Variants in EPHB1 observed in about 807,000 individuals in gnomAD.
EPHB1 encodes EPH receptor B1, also known as ephrin type-B receptor 1.
EPHB1 carries 30 observed loss-of-function variants against 94.4 expected under a neutral mutation model. That is an observed-to-expected ratio of 0.32 (90% CI 0.24 to 0.43). EPHB1 has a LOEUF of 0.43. Ranked by LOEUF, EPHB1 falls within the 20% of genes least tolerant of loss-of-function variation. The probability of loss-of-function intolerance (pLI) is 1.00; values close to 1 mark genes in which losing one functional copy is unlikely to be tolerated. For missense variants in EPHB1, 1,055 were observed against 1,308.3 expected, an observed-to-expected ratio of 0.81 and a Z score of 2.99; for synonymous variants, 522 against 489.1, an observed-to-expected ratio of 1.07 and a Z score of -0.89.
chr3:134,815,365 G>A (rs915628798), intron 1 of EPHB1, among the ~76,000 whole-genome samples: 10 of 152,014 alleles, frequency 6.6e-5, no homozygotes, highest in Non-Finnish European at 1.2e-4. Context: ...AAAATAAACA[G>A]ATGAATGTGT....
intron 12 of EPHB1, 76 bp from the exon 13 acceptor site, chr3:135,241,072 C>A (rs544389844): frequency 5.1e-6 from 8 of 1,561,648 alleles, no homozygotes; most frequent in Non-Finnish European, 7.0e-6. Context: ...GAAGAATGTG[C>A]ATGCCAAGTT....
At chr3:134,994,273 G>T (rs543980714) in intron 3 of EPHB1, among the ~76,000 whole-genome samples, 1 of 152,188 alleles carries the variant, frequency 6.6e-6, no homozygotes, top group African/African-American at 2.4e-5. Flanking sequence ...TAAATAATAT[G>T]ATAAATATAT....
chr3:135,179,802 G>A, intron 9 of EPHB1, 58 bp from the exon 10 acceptor site: 1 of 1,604,280 alleles, frequency 6.2e-7, no homozygotes. Flanking sequence ...CATCAGCAGT[G>A]CTGAATGACA....
chr3:134,798,202 G>A (rs1486716689), intron 1 of EPHB1, among the ~76,000 whole-genome samples: 2 of 152,218 alleles, frequency 1.3e-5, no homozygotes, highest in Admixed American at 1.3e-4. Context: ...GCCATCCAGG[G>A]CAAATTGCTC....
intron 3 of EPHB1, among the ~76,000 whole-genome samples, chr3:135,014,703 T>C (rs1340612832): frequency 1.3e-5 from 2 of 152,158 alleles, no homozygotes; most frequent in African/African-American, 4.8e-5. Context: ...ATGGATCACA[T>C]TTTGAAGCCT....
intron 11 of EPHB1, among the ~76,000 whole-genome samples, chr3:135,197,700 A>T (rs749299170): frequency 4.6e-5 from 7 of 152,222 alleles, no homozygotes; most frequent in Admixed American, 1.3e-4. Flanking sequence ...GCACTTCATG[A>T]AGGGAGGAAA....
intron 4 of EPHB1, among the ~76,000 whole-genome samples, chr3:135,117,660 C>T (rs925898514): frequency 6.6e-6 from 1 of 152,216 alleles, no homozygotes; most frequent in African/African-American, 2.4e-5. Context: ...ATCTGTCCCC[C>T]CTTCCCATTC....
At chr3:135,116,532 C>T (rs561818429) in intron 4 of EPHB1, among the ~76,000 whole-genome samples, 1 of 152,324 alleles carries the variant, frequency 6.6e-6, no homozygotes, top group African/African-American at 2.4e-5. Context: ...CTGTGTCTCA[C>T]TCCTAGACCT....
intron 3 of EPHB1, among the ~76,000 whole-genome samples, chr3:135,006,582 C>G (rs1253929074): frequency 1.3e-5 from 2 of 152,196 alleles, no homozygotes; most frequent in Non-Finnish European, 2.9e-5. Context: ...GTAATCCTAG[C>G]TACTTGGGAG....
chr3:135,184,620 T>C (rs1278424064), intron 10 of EPHB1, among the ~76,000 whole-genome samples: 1 of 152,036 alleles, frequency 6.6e-6, no homozygotes, highest in Admixed American at 6.6e-5. Flanking sequence ...AACATGGCAG[T>C]TAAAAATCTG....
rs559695087 is a variant in EPHB1, at chr3:134,891,998, A to G, written c.59-33818A>G. ...TCTCTTTAGCCAGGCTTCTGTTCTT[A>G]TAAGTGAGTTTTGGAGAACTGTGAT... On this transcript the variant is annotated intron_variant, in intron 1 of 15. Transcript: ENST00000398015. Among the ~76,000 whole-genome samples, 12 of 152,336 alleles carry G rather than the reference A, an allele frequency of 7.9e-5. No individual in the cohort carries two copies. In the East Asian group the frequency reaches 2.1e-3, roughly 27 times the overall value.
At chr3:134,797,028 C>T (rs1416423330) in intron 1 of EPHB1, among the ~76,000 whole-genome samples, 2 of 152,250 alleles carry the variant, frequency 1.3e-5, no homozygotes, top group Non-Finnish European at 2.9e-5. Context: ...CCCTGAGGCG[C>T]GGCTAAGATT....
At chr3:134,980,795 T>C (rs1012411444) in intron 3 of EPHB1, among the ~76,000 whole-genome samples, 3 of 152,210 alleles carry the variant, frequency 2.0e-5, no homozygotes, top group South Asian at 2.1e-4. Context: ...GGCTAGGGGC[T>C]TAAGTATTAT....
chr3:134,837,228 A>G (rs2036687881), intron 1 of EPHB1, among the ~76,000 whole-genome samples: 1 of 152,254 alleles, frequency 6.6e-6, no homozygotes, highest in East Asian at 1.9e-4. Flanking sequence ...AAATATTAAA[A>G]TAATCTAATC....
At chr3:135,233,636 G>A (rs1298575176) in intron 12 of EPHB1, among the ~76,000 whole-genome samples, 1 of 152,232 alleles carries the variant, frequency 6.6e-6, no homozygotes, top group Non-Finnish European at 1.5e-5. Flanking sequence ...GGGACTCTGT[G>A]TGGGGCTTCC....
At chr3:134,894,987 G>T (rs1279613483) in intron 1 of EPHB1, among the ~76,000 whole-genome samples, 3 of 152,180 alleles carry the variant, frequency 2.0e-5, no homozygotes, top group African/African-American at 7.2e-5. Context: ...CATCTGAAAG[G>T]AGTGGCTGCC....
At chr3:134,884,133 A>G (rs985310973) in intron 1 of EPHB1, among the ~76,000 whole-genome samples, 2 of 152,218 alleles carry the variant, frequency 1.3e-5, no homozygotes, top group Non-Finnish European at 2.9e-5. Flanking sequence ...GACTATAGTC[A>G]GACTTCCAAG....
intron 3 of EPHB1, among the ~76,000 whole-genome samples, chr3:135,095,310 G>C (rs1376888228): frequency 6.6e-6 from 1 of 152,094 alleles, no homozygotes; most frequent in Non-Finnish European, 1.5e-5. Flanking sequence ...CCCCGTGCCT[G>C]GCATCTAGTA....
chr3:135,107,560 C>G (rs1011803291), intron 4 of EPHB1, among the ~76,000 whole-genome samples: 86 of 152,304 alleles, frequency 5.6e-4, no homozygotes, highest in African/African-American at 2.0e-3. Context: ...CTTCCTGGCT[C>G]CCTGTGAGCA....
Sources: gnomAD v4.1 joint callset for allele counts (sites outside exome capture counted in the v4.1 genomes callset) on GRCh38, gnomAD v4.1.1 for gene constraint, MANE v1.5 for transcripts, NCBI Gene and HGNC (gene_info 2026-07-23, HGNC 2026-07-21) for gene names.